Variants in PTCD2 observed in about 807,000 individuals in gnomAD.
PTCD2 encodes the protein pentatricopeptide repeat domain 2.
A neutral mutation model predicts 42.6 loss-of-function variants in PTCD2; 31 were observed. The observed-to-expected ratio is 0.73, with a 90% CI of 0.55 to 0.98. The LOEUF (loss-of-function observed/expected upper bound fraction) is 0.98. Ranked by LOEUF, PTCD2 falls within the 50% of genes least tolerant of loss-of-function variation. PTCD2 has a pLI of 0.00. For synonymous variants in PTCD2, 183 were observed against 170.9 expected, an observed-to-expected ratio of 1.07 and a Z score of -0.55; for missense variants, 476 against 454.8, an observed-to-expected ratio of 1.05 and a Z score of -0.42.
chr5:72,341,595 G>A (rs1752068241), intron 7 of PTCD2, among the ~76,000 whole-genome samples: 1 of 151,948 alleles, frequency 6.6e-6, no homozygotes. Flanking sequence ...AAATAAAACA[G>A]GTGCAGTAGT....
Position 72,335,968 on chromosome 5 carries a change from A to G in PTCD2, c.639+83A>G, listed in dbSNP as rs993495769. The G allele has an allele frequency of 8.2e-6, 6 of 730,130 alleles. No homozygotes were observed. In the African/African-American group the frequency reaches 8.9e-5, roughly 11 times the overall value. 45.2% of individuals were successfully genotyped at this position (730,130 alleles called of 1,614,324 possible). A position where few individuals can be genotyped will look rare whatever the true frequency, so the allele number is the denominator to read the frequency against. ...TTTCTTCTCTCTACAAATAAAATTC[A>G]GTTCCTCTGAAATCTGTTTTCCATC... On this transcript the variant is annotated intron_variant, in intron 6 of 9. Coordinates refer to ENST00000380639, the MANE Select transcript of PTCD2 (RefSeq NM_024754.5).
intron 8 of PTCD2, among the ~76,000 whole-genome samples, chr5:72,344,843 A>G (rs1207846515): frequency 6.6e-6 from 1 of 152,154 alleles, no homozygotes; most frequent in Non-Finnish European, 1.5e-5. Flanking sequence ...GAGTGTATGA[A>G]TAGGGTGTGG....
In PTCD2 at chr5:72,362,138, C is replaced by G. The variant is rs1580200265; in HGVS notation, c.*3711C>G. 1 of 152,214 alleles carries G rather than the reference C, an allele frequency of 6.6e-6. No individual in the cohort carries two copies. Among genetic ancestry groups the G allele is most frequent in the East Asian group, 1.9e-4 (1 of 5,188 alleles). The allele number at this position is 152,214 out of a possible 1,614,324, so 9.4% of individuals were successfully genotyped here. The stretch of plus-strand genomic sequence containing the variant: ...TGGTCCCCCATGGACAGCTTTTCGT[C>G]TCTAATACCATACACTCAGTGCAGG... On this transcript the variant is annotated 3_prime_UTR_variant, in exon 10 of 10. Coordinates refer to ENST00000380639, the MANE Select transcript of PTCD2 (RefSeq NM_024754.5).
At chr5:72,348,139 T>C (rs1406382607) in intron 8 of PTCD2, among the ~76,000 whole-genome samples, 3 of 152,246 alleles carry the variant, frequency 2.0e-5, no homozygotes, top group Admixed American at 2.0e-4. Flanking sequence ...GAAAAAGATA[T>C]GGTTGCCATT....
In PTCD2 at chr5:72,367,348, C is replaced by T. The variant is rs1315115938; in HGVS notation, c.*8921C>T. ...TCAGGAGGAAGAAAGGACAGATGCC[C>T]TTGTTCAAGATGACTTCTTCATGGG... is the stretch of plus-strand genomic sequence containing the variant. On this transcript the variant is annotated 3_prime_UTR_variant, in exon 10 of 10. Coordinates refer to ENST00000380639, the MANE Select transcript of PTCD2 (RefSeq NM_024754.5). 13 of 152,188 alleles carry T rather than the reference C, an allele frequency of 8.5e-5. No individual in the cohort carries two copies. The highest frequency in any genetic ancestry group is 7.2e-4 in the Admixed American group (11 of 15,274). The allele number at this position is 152,188 out of a possible 1,614,324, so 9.4% of individuals were successfully genotyped here. A position where few individuals can be genotyped will look rare whatever the true frequency, so the allele number is the denominator to read the frequency against.
At position 72,320,431 on chromosome 5, in the gene PTCD2, C is replaced by T. The variant is rs758600787; in HGVS notation, c.49C>T (p.Leu17Phe). The T allele has an allele frequency of 2.5e-6, 4 of 1,614,116 alleles. No homozygotes were observed. The highest frequency in any genetic ancestry group is 3.4e-6 in the Non-Finnish European group (4 of 1,180,024). ...AAAFRPSNRV[L>F]LQALQILVYP... ...TGCATTTCGGCCCTCGAATCGAGTT[C>T]TCCTGCAGGCGCTGCAGATTTTGGT... Residue 17 changes from leucine (L) to phenylalanine (F), a missense_variant, in exon 1 of 10, where the codon CTC (leucine) becomes TTC (phenylalanine). By Grantham distance (22) the Leu-to-Phe change is conservative (BLOSUM62 0). Transcript: ENST00000380639.
chr5:72,358,150 A>G (rs1752970605), intron 9 of PTCD2, 53 bp from the exon 10 acceptor site: 3 of 1,454,522 alleles, frequency 2.1e-6, no homozygotes, highest in Non-Finnish European at 2.9e-6. Context: ...TTATAGTAAG[A>G]ATAAGGAAGA....
chr5:72,344,000 C>T (rs936152437), intron 8 of PTCD2, among the ~76,000 whole-genome samples: 1 of 152,278 alleles, frequency 6.6e-6, no homozygotes, highest in Admixed American at 6.5e-5. Flanking sequence ...TAAGCATTAG[C>T]ATGACACAAA....
chr5:72,344,227 A>G (rs527270984), intron 8 of PTCD2, among the ~76,000 whole-genome samples: 14 of 152,120 alleles, frequency 9.2e-5, no homozygotes, highest in African/African-American at 3.1e-4. Context: ...AAGAATATGA[A>G]CTGTGGCTGG....
In PTCD2 at chr5:72,335,939, G is replaced by C. The variant is rs570407295; in HGVS notation, c.639+54G>C. ...GCATTGTGTGTAGTCTTTGAGAGAGGATTTTTCTTCTCTCTACAAATAAAA... is the reference window on the plus strand; with the variant it reads ...GCATTGTGTGTAGTCTTTGAGAGAGCATTTTTCTTCTCTCTACAAATAAAA... On this transcript the variant is annotated intron_variant, in intron 6 of 9. Transcript: ENST00000380639. 115 of 1,027,988 alleles carry C rather than the reference G, an allele frequency of 1.1e-4. No individual in the cohort carries two copies. In the African/African-American group the frequency reaches 1.5e-3, roughly 13 times the overall value. The allele number at this position is 1,027,988 out of a possible 1,614,324, so 63.7% of individuals were successfully genotyped here. A position where few individuals can be genotyped will look rare whatever the true frequency, so the allele number is the denominator to read the frequency against.
chr5:72,326,017 C>T (rs1751116214), intron 2 of PTCD2, among the ~76,000 whole-genome samples: 1 of 152,150 alleles, frequency 6.6e-6, no homozygotes, highest in Non-Finnish European at 1.5e-5. Flanking sequence ...TGTTTTCCCC[C>T]CTGCCCATTA....
chr5:72,350,712 G>A (rs191891115), intron 8 of PTCD2, among the ~76,000 whole-genome samples: 17 of 152,220 alleles, frequency 1.1e-4, no homozygotes, highest in Admixed American at 8.5e-4. Flanking sequence ...CTGTTCTTCC[G>A]AACCAAAGAC....
At chr5:72,328,570 C>G (rs1751264219) in intron 3 of PTCD2, among the ~76,000 whole-genome samples, 1 of 151,770 alleles carries the variant, frequency 6.6e-6, no homozygotes, top group Non-Finnish European at 1.5e-5. Flanking sequence ...TGGCAGCCAT[C>G]TTTGGGGCCT....
intron 7 of PTCD2, 121 bp downstream of exon 7, chr5:72,338,856 G>A (rs1477865106): frequency 1.9e-6 from 1 of 520,182 alleles, no homozygotes; most frequent in African/African-American, 2.0e-5. Flanking sequence ...ACCATAAAGA[G>A]ACCAATGCCT....
At chr5:72,323,891 C>T (rs1334547536) in intron 2 of PTCD2, among the ~76,000 whole-genome samples, 1 of 152,078 alleles carries the variant, frequency 6.6e-6, no homozygotes, top group Non-Finnish European at 1.5e-5. Flanking sequence ...AGCTAGTATC[C>T]CGCCTCAGTC....
intron 6 of PTCD2, 28 bp downstream of exon 6, chr5:72,335,913 A>G: frequency 1.4e-6 from 2 of 1,383,066 alleles, no homozygotes; most frequent in South Asian, 2.3e-5. Context: ...TAACTTTGAG[A>G]GCATTGTGTG....
chr5:72,330,405 C>T lies in PTCD2; in HGVS notation c.351-853C>T, dbSNP rs183191034. ...AAAAAGTATCCTGTTTTATCATCAG[C>T]GCTTCTCCCCAAGGTATTTTAGATT... On this transcript the variant is annotated intron_variant, in intron 3 of 9. Transcript: ENST00000380639. Among the ~76,000 whole-genome samples, 9 of 152,176 alleles carry T rather than the reference C, an allele frequency of 5.9e-5. No individual in the cohort carries two copies. The East Asian group carries it at 7.7e-4, about 13-fold the overall frequency.
chr5:72,325,219 G>A lies in PTCD2; in HGVS notation c.221-1393G>A, dbSNP rs546998243. Among the ~76,000 whole-genome samples, 7 of 152,232 alleles carry A rather than the reference G, an allele frequency of 4.6e-5. No individual in the cohort carries two copies. In the South Asian group the frequency reaches 8.3e-4, roughly 18 times the overall value. On this transcript the variant is annotated intron_variant, in intron 2 of 9. Transcript: ENST00000380639. ...ATTACAGGCCTGAGCCACTGCACCCGGCCTCTTAAGGTTTATTAAGGAGGA... is the reference window on the plus strand; with the variant it reads ...ATTACAGGCCTGAGCCACTGCACCCAGCCTCTTAAGGTTTATTAAGGAGGA...
intron 9 of PTCD2, among the ~76,000 whole-genome samples, chr5:72,356,403 A>G (rs1752874680): frequency 6.6e-6 from 1 of 152,236 alleles, no homozygotes; most frequent in Non-Finnish European, 1.5e-5. Context: ...GAACAGCTTG[A>G]TGAGAAATGG....
Sources: gnomAD v4.1 joint callset for allele counts (sites outside exome capture counted in the v4.1 genomes callset) on GRCh38, gnomAD v4.1.1 for gene constraint, MANE v1.5 for transcripts, NCBI Gene and HGNC (gene_info 2026-07-23, HGNC 2026-07-21) for gene names.